Variants in ERC2 observed in about 807,000 individuals in gnomAD.
ERC2 encodes the protein ERC protein 2.
A neutral mutation model predicts 114.8 loss-of-function variants in ERC2; 42 were observed. The ratio of observed to expected loss-of-function variants is 0.37; its 90% CI spans 0.29 to 0.47. The LOEUF is 0.47. Among genes scored for constraint, ERC2 ranks in the 20% least tolerant of loss-of-function variants. The probability of loss-of-function intolerance (pLI) is 0.99; values close to 1 mark genes in which losing one functional copy is unlikely to be tolerated. For missense variants in ERC2, 939 were observed against 1,150.7 expected, an observed-to-expected ratio of 0.82 and a Z score of 2.66; for synonymous variants, 454 against 425.5, an observed-to-expected ratio of 1.07 and a Z score of -0.82.
chr3:55,538,990 T>G (rs1264691693), intron 17 of ERC2, among the ~76,000 whole-genome samples: 1 of 152,190 alleles, frequency 6.6e-6, no homozygotes, highest in Non-Finnish European at 1.5e-5. Context: ...GCCTTTAATT[T>G]AAGTGGGAAA....
chr3:56,406,305 C>T (rs997284209), intron 2 of ERC2, among the ~76,000 whole-genome samples: 1 of 152,192 alleles, frequency 6.6e-6, no homozygotes, highest in African/African-American at 2.4e-5. Context: ...TCCTACGTGG[C>T]TGTGTCCATC....
chr3:56,450,787 C>A (rs187160761), intron 1 of ERC2, among the ~76,000 whole-genome samples: 16 of 151,980 alleles, frequency 1.1e-4, no homozygotes, highest in African/African-American at 3.9e-4. Context: ...GCTATGATCA[C>A]GCCGTTGCGC....
At chr3:55,697,537 C>A (rs373214040) in intron 16 of ERC2, among the ~76,000 whole-genome samples, 5 of 152,258 alleles carry the variant, frequency 3.3e-5, no homozygotes, top group East Asian at 1.9e-4. Context: ...TGTGATTACA[C>A]CTCTCTGGAA....
chr3:55,927,440 C>T (rs2065812955), intron 13 of ERC2, among the ~76,000 whole-genome samples: 1 of 151,916 alleles, frequency 6.6e-6, no homozygotes. Context: ...GGTGTTTGTA[C>T]TTTTTACATT....
intron 1 of ERC2, among the ~76,000 whole-genome samples, chr3:56,460,474 C>T (rs2063262184): frequency 6.6e-6 from 1 of 152,162 alleles, no homozygotes; most frequent in Non-Finnish European, 1.5e-5. Flanking sequence ...TGGAACTTAT[C>T]AAATTATTTG....
chr3:55,539,665 G>T (rs1178200699), intron 17 of ERC2, among the ~76,000 whole-genome samples: 1 of 151,470 alleles, frequency 6.6e-6, no homozygotes, highest in Non-Finnish European at 1.5e-5. Flanking sequence ...CTGACCTCGT[G>T]ATCTGCCTGC....
intron 14 of ERC2, among the ~76,000 whole-genome samples, chr3:55,772,372 T>C (rs966984011): frequency 1.6e-4 from 25 of 152,014 alleles, no homozygotes; most frequent in Non-Finnish European, 2.9e-5. Context: ...TGGAGTGCAG[T>C]GGCGCGATCT....
intron 2 of ERC2, among the ~76,000 whole-genome samples, chr3:56,422,531 G>A (rs760810032): frequency 2.0e-5 from 3 of 152,006 alleles, no homozygotes; most frequent in Non-Finnish European, 2.9e-5. Flanking sequence ...CTCCCTCCTC[G>A]CCTGTTCCTT....
At chr3:55,511,417 G>A (rs900060923) in intron 17 of ERC2, 141 bp from the exon 18 acceptor site, 1 of 152,440 alleles carries the variant, frequency 6.6e-6, no homozygotes, top group African/African-American at 2.4e-5. Context: ...GTGGGAGTGG[G>A]GAGGGGGTAA....
intron 15 of ERC2, among the ~76,000 whole-genome samples, chr3:55,705,543 A>T (rs2063436986): frequency 1.3e-5 from 2 of 152,174 alleles, no homozygotes; most frequent in South Asian, 4.1e-4. Flanking sequence ...AGCCACAGCC[A>T]TATACTCACC....
intron 14 of ERC2, among the ~76,000 whole-genome samples, chr3:55,802,642 T>A (rs914529693): frequency 6.6e-6 from 1 of 152,222 alleles, no homozygotes; most frequent in African/African-American, 2.4e-5. Context: ...AATTTTAAAC[T>A]CCTGTCCTAT....
chr3:56,141,455 A>G (rs560331233), intron 5 of ERC2, among the ~76,000 whole-genome samples: 1 of 152,262 alleles, frequency 6.6e-6, no homozygotes, highest in Non-Finnish European at 1.5e-5. Flanking sequence ...TGTGAGGAAG[A>G]CCATACCAGA....
At chr3:56,086,670 A>G (rs2077520076) in intron 6 of ERC2, among the ~76,000 whole-genome samples, 1 of 152,112 alleles carries the variant, frequency 6.6e-6, no homozygotes, top group African/African-American at 2.4e-5. Context: ...GTTTAAATAC[A>G]GGGAAGATAA....
intron 17 of ERC2, among the ~76,000 whole-genome samples, chr3:55,617,536 A>G (rs2059171158): frequency 6.6e-6 from 1 of 152,062 alleles, no homozygotes; most frequent in South Asian, 2.1e-4. Flanking sequence ...CTGTCTCTTC[A>G]ACACCCATGT....
intron 4 of ERC2, among the ~76,000 whole-genome samples, chr3:56,167,030 T>C (rs891463819): frequency 1.3e-5 from 2 of 152,158 alleles, no homozygotes; most frequent in African/African-American, 4.8e-5. Flanking sequence ...ACACTCCTTA[T>C]CCTTTCTAGA....
At chr3:56,275,580 T>C (rs2053934934) in intron 3 of ERC2, among the ~76,000 whole-genome samples, 1 of 152,186 alleles carries the variant, frequency 6.6e-6, no homozygotes. Context: ...CTGCCCTGGG[T>C]AGAGCTTTAG....
chr3:56,440,528 A>G (rs560924532), intron 1 of ERC2, among the ~76,000 whole-genome samples: 1 of 150,276 alleles, frequency 6.7e-6, no homozygotes, highest in South Asian at 2.2e-4. Flanking sequence ...AGCCTGGGCA[A>G]CAGTGCAAGA....
At chr3:55,996,824 G>T (rs1479589659) in intron 10 of ERC2, among the ~76,000 whole-genome samples, 1 of 152,170 alleles carries the variant, frequency 6.6e-6, no homozygotes, top group Non-Finnish European at 1.5e-5. Flanking sequence ...TTATTTTAGT[G>T]AAAGAATTTA....
chr3:55,527,412 A>G (rs1357629202), intron 17 of ERC2, among the ~76,000 whole-genome samples: 1 of 152,226 alleles, frequency 6.6e-6, no homozygotes, highest in Admixed American at 6.5e-5. Flanking sequence ...AGAAGTGTTC[A>G]TATTTGCCAG....
Sources: allele counts gnomAD v4.1 joint callset (sites outside exome capture counted in the v4.1 genomes callset), GRCh38; gene constraint gnomAD v4.1.1; transcripts MANE v1.5; gene names NCBI Gene and HGNC (gene_info 2026-07-23, HGNC 2026-07-21).